EML6: variants seen among roughly 807,000 people sequenced by gnomAD.
EML6 encodes EMAP like 6.
A neutral mutation model predicts 240.1 loss-of-function variants in EML6; 154 were observed. The ratio of observed to expected loss-of-function variants is 0.64; its 90% CI spans 0.56 to 0.73. The LOEUF (loss-of-function observed/expected upper bound fraction) is 0.73, where lower values mean the gene tolerates loss of function less well. EML6 is among the 30% of genes least tolerant of loss of function. The pLI is 0.00. For synonymous variants in EML6, 1,148 were observed against 899.0 expected (o/e 1.28, Z -4.95); for missense variants, 2,964 against 2,474.6 (o/e 1.20, Z -4.20).
At chr2:54,951,655 C>G (rs1675984234) in intron 30 of EML6, among the ~76,000 whole-genome samples, 2 of 151,822 alleles carry the variant, frequency 1.3e-5, no homozygotes, top group Non-Finnish European at 2.9e-5. Context: ...ATCATTACCA[C>G]CAGATTTAAA....
At chr2:54,926,349 G>A (rs186393415) in intron 26 of EML6, among the ~76,000 whole-genome samples, 2 of 152,194 alleles carry the variant, frequency 1.3e-5, no homozygotes, top group Non-Finnish European at 2.9e-5. Flanking sequence ...TGATCTGCCC[G>A]CCTTGGCCTC....
intron 9 of EML6, among the ~76,000 whole-genome samples, chr2:54,848,998 T>C (rs923371884): frequency 5.3e-5 from 8 of 152,250 alleles, no homozygotes; most frequent in Non-Finnish European, 1.0e-4. Flanking sequence ...GATTTATTTA[T>C]GTTAATCTTG....
intron 14 of EML6, 49 bp from the exon 15 acceptor site, chr2:54,869,132 C>G: frequency 3.1e-6 from 4 of 1,292,638 alleles, no homozygotes; most frequent in Non-Finnish European, 4.3e-6. Context: ...CTGCTCCATG[C>G]ATTTGCTGTT....
chr2:54,868,020 A>G (rs1281204164), intron 14 of EML6: 1 of 152,202 alleles, frequency 6.6e-6, no homozygotes, highest in Non-Finnish European at 1.5e-5. Flanking sequence ...GCTATTCTGA[A>G]AAAAGATGTT....
intron 24 of EML6, among the ~76,000 whole-genome samples, chr2:54,904,404 C>T (rs965616461): frequency 2.0e-5 from 3 of 152,150 alleles, no homozygotes; most frequent in Non-Finnish European, 4.4e-5. Flanking sequence ...TTGTAGTCCA[C>T]TGTGGTAGAG....
At chr2:54,852,636 T>G (rs969227326) in intron 10 of EML6, among the ~76,000 whole-genome samples, 6 of 152,206 alleles carry the variant, frequency 3.9e-5, no homozygotes, top group African/African-American at 1.4e-4. Flanking sequence ...AAGACTGTGT[T>G]CCAACTACAG....
At chr2:54,823,878 T>TCTCTCTCTCTCTCTCTGTCTCTCTC (rs60937620) in intron 5 of EML6, among the ~76,000 whole-genome samples, 28 of 129,194 alleles carry the variant, frequency 2.2e-4, no homozygotes, top group Non-Finnish European at 3.3e-4. Flanking sequence ...CTCTCTCTCT[T>TCTCTCTCTCTCTCTCTGTCTCTCTC]TCTGTCTCTC....
At chr2:54,762,916 C>G (rs1668039277) in intron 2 of EML6, among the ~76,000 whole-genome samples, 1 of 152,082 alleles carries the variant, frequency 6.6e-6, no homozygotes, top group African/African-American at 2.4e-5. Flanking sequence ...GCAGATGGAG[C>G]TGGGGAATAT....
intron 28 of EML6, among the ~76,000 whole-genome samples, chr2:54,938,125 C>A (rs1038059278): frequency 1.3e-5 from 2 of 152,172 alleles, no homozygotes; most frequent in Non-Finnish European, 2.9e-5. Context: ...GCGGGCAGAT[C>A]ACCTGAGGTC....
chr2:54,817,434 A>G lies in EML6; in HGVS notation c.456+549A>G, dbSNP rs148514723. Among the ~76,000 whole-genome samples the G allele has an allele frequency of 3.0e-4, 46 of 152,344 alleles. No individual in the cohort carries two copies. The East Asian group carries it at 8.7e-3, about 29-fold the overall frequency. ...GAAATCTAATTTGCCAGTGTCTTGCATAATTAAAATAATTTGACTCCTTTA... is the reference window on the plus strand; with the variant it reads ...GAAATCTAATTTGCCAGTGTCTTGCGTAATTAAAATAATTTGACTCCTTTA... On this transcript the variant is annotated intron_variant, in intron 4 of 41. Transcript: ENST00000356458.
chr2:54,849,166 A>G (rs1032018715), intron 9 of EML6, among the ~76,000 whole-genome samples: 4 of 152,206 alleles, frequency 2.6e-5, no homozygotes, highest in African/African-American at 7.2e-5. Context: ...ATAGATACAC[A>G]TATTTTCAGG....
At chr2:54,967,715 C>T (rs1312781603) in intron 39 of EML6, among the ~76,000 whole-genome samples, 13 of 152,122 alleles carry the variant, frequency 8.5e-5, no homozygotes, top group Admixed American at 4.6e-4. Flanking sequence ...CATGGCTGTA[C>T]TGAATTACAT....
intron 18 of EML6, among the ~76,000 whole-genome samples, chr2:54,891,600 GATA>G (rs1354126921): frequency 3.3e-5 from 5 of 152,180 alleles, no homozygotes; most frequent in Non-Finnish European, 7.3e-5. Context: ...ATTTAATGTT[GATA>G]ATAATGATGA....
In EML6 at chr2:54,824,035, T is replaced by C. The variant is rs575137238; in HGVS notation, c.526-3531T>C. On this transcript the variant is annotated intron_variant, in intron 5 of 41. Transcript: ENST00000356458. ...ATGATGGCACAGGTGAGATTTAAGC[T>C]CAGCCTCTGACTCCTATAGAGCTCT... Among the ~76,000 whole-genome samples, 7 of 152,254 alleles carry C rather than the reference T, an allele frequency of 4.6e-5. No individual in the cohort carries two copies. In the East Asian group the frequency reaches 5.8e-4, roughly 13 times the overall value.
intron 2 of EML6, among the ~76,000 whole-genome samples, chr2:54,749,772 G>A (rs1413689285): frequency 2.0e-5 from 3 of 152,078 alleles, no homozygotes; most frequent in African/African-American, 4.8e-5. Context: ...AAACCCAGGC[G>A]TCTCTCACCC....
At chr2:54,769,541 C>T (rs1350840977) in intron 2 of EML6, among the ~76,000 whole-genome samples, 5 of 148,272 alleles carry the variant, frequency 3.4e-5, no homozygotes, top group Admixed American at 6.7e-5. Context: ...CACTCTCCTA[C>T]GGCAGCCAGT....
chr2:54,896,030 G>C (rs2104149969), intron 21 of EML6, among the ~76,000 whole-genome samples: 1 of 152,320 alleles, frequency 6.6e-6, no homozygotes, highest in South Asian at 2.1e-4. Flanking sequence ...AAAGGGAGGT[G>C]ATTATGCAAG....
chr2:54,963,161 C>A (rs922236226), intron 36 of EML6, among the ~76,000 whole-genome samples: 2 of 152,052 alleles, frequency 1.3e-5, no homozygotes, highest in East Asian at 1.9e-4. Context: ...GAGTTCTTGC[C>A]GATCCTCATG....
At chr2:54,742,830 C>T (rs1683715920) in intron 2 of EML6, among the ~76,000 whole-genome samples, 1 of 152,122 alleles carries the variant, frequency 6.6e-6, no homozygotes, top group Non-Finnish European at 1.5e-5. Flanking sequence ...TCACTCTAGG[C>T]CCTGAGTAAG....
Sources: gnomAD v4.1 joint callset for allele counts (sites outside exome capture counted in the v4.1 genomes callset) on GRCh38, gnomAD v4.1.1 for gene constraint, MANE v1.5 for transcripts, NCBI Gene and HGNC (gene_info 2026-07-23, HGNC 2026-07-21) for gene names.